Variants in DNAH6 observed in about 807,000 individuals in gnomAD.
DNAH6 encodes the protein axonemal beta dynein heavy chain 6.
A neutral mutation model predicts 491.4 loss-of-function variants in DNAH6; 340 were observed. The ratio of observed to expected loss-of-function variants is 0.69; its 90% CI spans 0.63 to 0.76. The LOEUF is 0.76. Ranked by LOEUF, DNAH6 falls within the 30% of genes least tolerant of loss-of-function variation. DNAH6 has a pLI of 0.00. For missense variants in DNAH6, 4,443 were observed against 4,972.2 expected (o/e 0.89, Z 3.20); for synonymous variants, 1,603 against 1,686.1 (o/e 0.95, Z 1.21).
intron 15 of DNAH6, 41 bp downstream of exon 15, chr2:84,584,291 G>A: frequency 6.3e-7 from 1 of 1,584,920 alleles, no homozygotes; most frequent in Non-Finnish European, 8.6e-7. Context: ...TCTATGCAAA[G>A]TTTTACTATT....
At chr2:84,470,609 C>T in the DNAH6 span, among the ~76,000 whole-genome samples, 14 of 152,162 alleles carry the variant, frequency 9.2e-5, no homozygotes, top group Non-Finnish European at 1.6e-4. Flanking sequence ...TATGTTTGGG[C>T]CAGCTCCTTT....
chr2:84,508,922 G>T, the DNAH6 span, among the ~76,000 whole-genome samples: 1 of 152,076 alleles, frequency 6.6e-6, no homozygotes, highest in Non-Finnish European at 1.5e-5. Flanking sequence ...ATTGCACTGT[G>T]GTCTGAGAGA....
At chr2:84,624,795 C>G in intron 28 of DNAH6, 107 bp from the exon 29 acceptor site, 1 of 1,288,682 alleles carries the variant, frequency 7.8e-7, no homozygotes, top group Non-Finnish European at 1.0e-6. Context: ...ATTTCAATTG[C>G]TATATTTTTC....
intron 63 of DNAH6, among the ~76,000 whole-genome samples, chr2:84,749,390 G>C (rs1368717242): frequency 1.3e-5 from 2 of 152,304 alleles, no homozygotes; most frequent in African/African-American, 4.8e-5. Flanking sequence ...AGTTAGACTA[G>C]GGATGTGGCA....
the DNAH6 span, among the ~76,000 whole-genome samples, chr2:84,510,428 G>A: frequency 1.3e-5 from 2 of 152,156 alleles, no homozygotes; most frequent in African/African-American, 2.4e-5. Flanking sequence ...AGCTCCATCA[G>A]GTCCTTTAAG....
rs772816080 is a variant in DNAH6 at position 84,584,074 on chromosome 2, C to T, written c.2305C>T (p.Pro769Ser). The change falls in exon 15 of 77, where the codon CCT becomes TCT. Residue 769 changes from proline (P) to serine (S), a missense_variant. Transcript: ENST00000389394. ...KLMEQYQVPT[P>S]PEDFAVFATM... ...TATGGAACAATATCAGGTGCCCACA[C>T]CTCCTGAAGACTTTGCTGTTTTTGC... 1 of 1,614,126 alleles carries T rather than the reference C, an allele frequency of 6.2e-7. No homozygotes were observed. Among genetic ancestry groups the T allele is most frequent in the Non-Finnish European group, 8.5e-7 (1 of 1,179,998 alleles).
chr2:84,624,865 G>C, intron 28 of DNAH6, 37 bp from the exon 29 acceptor site: 2 of 1,502,490 alleles, frequency 1.3e-6, no homozygotes, highest in Non-Finnish European at 1.8e-6. Flanking sequence ...GGCCAGAGTT[G>C]GTTCCCTTCA....
At chr2:84,558,564 T>TCAA (rs1680312891) in intron 11 of DNAH6, among the ~76,000 whole-genome samples, 1 of 152,274 alleles carries the variant, frequency 6.6e-6, no homozygotes, top group African/African-American at 2.4e-5. Context: ...CCAGGGTGAC[T>TCAA]CACCAGCCAA....
Position 84,621,492 on chromosome 2 carries a change from G to C in DNAH6, c.4012G>C (p.Glu1338Gln). The C allele has an allele frequency of 2.0e-6, 3 of 1,537,870 alleles. No homozygotes were observed. The highest frequency in any genetic ancestry group is 2.6e-6 in the Non-Finnish European group (3 of 1,135,522). Residue 1338 changes from glutamate to glutamine, a missense_variant, in exon 26 of 77, where the codon GAA (glutamate) becomes CAA (glutamine). Glu to Gln is a conservative substitution (Grantham distance 29). Transcript: ENST00000389394. ...MWCRDLTECL[E>Q]TEHSNHIQAL... Reference sequence around the variant, plus strand: ...GTGCCGTGATTTGACTGAATGTCTGGAAACAGAACACAGTAATCATATACA... The same window carrying C: ...GTGCCGTGATTTGACTGAATGTCTGCAAACAGAACACAGTAATCATATACA...
chr2:84,624,735 GTAAAGCAAATATTTGCA>G (rs1687700170), intron 28 of DNAH6, 115 bp downstream of exon 28: 1 of 1,302,246 alleles, frequency 7.7e-7, no homozygotes, highest in South Asian at 1.6e-5. Flanking sequence ...ATACATCTTT[GTAAAGCAAATATTTGCA>G]TTATTTAATT....
chr2:84,696,803 A>G (rs1457438262), intron 46 of DNAH6, among the ~76,000 whole-genome samples: 1 of 152,148 alleles, frequency 6.6e-6, no homozygotes, highest in Non-Finnish European at 1.5e-5. Flanking sequence ...TTGAAAGACA[A>G]AAAGTCTATT....
intron 30 of DNAH6, 100 bp downstream of exon 30, chr2:84,634,741 G>A: frequency 7.3e-7 from 1 of 1,374,302 alleles, no homozygotes; most frequent in Admixed American, 3.2e-5. Context: ...AAAATGTTAG[G>A]GAGGAATCCT....
chr2:84,544,012 A>C (rs1678517865), intron 4 of DNAH6, among the ~76,000 whole-genome samples: 1 of 152,152 alleles, frequency 6.6e-6, no homozygotes, highest in South Asian at 2.1e-4. Flanking sequence ...CATCAAGCCA[A>C]TATTGCCACA....
At chr2:84,623,831 G>T (rs986237152) in intron 26 of DNAH6, among the ~76,000 whole-genome samples, 1 of 152,188 alleles carries the variant, frequency 6.6e-6, no homozygotes, top group African/African-American at 2.4e-5. Context: ...AAAATGCTCA[G>T]ATTTTCTGAA....
intron 68 of DNAH6, among the ~76,000 whole-genome samples, chr2:84,793,815 A>T (rs1252302377): frequency 6.6e-6 from 1 of 152,226 alleles, no homozygotes; most frequent in Non-Finnish European, 1.5e-5. Context: ...AGGAGAGGGA[A>T]GACAGGCATC....
At chr2:84,693,491 C>T (rs188026170) in intron 45 of DNAH6, among the ~76,000 whole-genome samples, 1 of 152,234 alleles carries the variant, frequency 6.6e-6, no homozygotes, top group Non-Finnish European at 1.5e-5. Context: ...TGCCTGTAAT[C>T]CCAGTACTTT....
chr2:84,741,015 G>A (rs1221923184), intron 62 of DNAH6, among the ~76,000 whole-genome samples: 1 of 152,216 alleles, frequency 6.6e-6, no homozygotes, highest in African/African-American at 2.4e-5. Flanking sequence ...TCAAAATGGT[G>A]TCAGCCATGG....
rs757730848 is a variant in DNAH6 at position 84,670,519 on chromosome 2, A to T, written c.6454+44A>T. On this transcript the variant is annotated intron_variant, in intron 39 of 76. Transcript: ENST00000389394. Reference sequence around the variant, plus strand: ...GTTTGTCCCACACAAATTATTCATTAAGCTAATAAATGACATAAATAGTGC... The same window carrying T: ...GTTTGTCCCACACAAATTATTCATTTAGCTAATAAATGACATAAATAGTGC... The T allele has an allele frequency of 2.3e-6, 3 of 1,292,608 alleles. No homozygotes were observed. The South Asian group carries it at 4.2e-5, about 18-fold the overall frequency. 80.1% of individuals were successfully genotyped at this position (1,292,608 alleles called of 1,614,324 possible).
chr2:84,467,408 G>C, the DNAH6 span, among the ~76,000 whole-genome samples: 1 of 152,156 alleles, frequency 6.6e-6, no homozygotes, highest in Non-Finnish European at 1.5e-5. Flanking sequence ...TGAAAACCTT[G>C]ACAAGTTCAA....
Sources: allele counts gnomAD v4.1 joint callset (sites outside exome capture counted in the v4.1 genomes callset), GRCh38; gene constraint gnomAD v4.1.1; transcripts MANE v1.5; gene names NCBI Gene and HGNC (gene_info 2026-07-23, HGNC 2026-07-21).